The following BRINP3 variants were observed in gnomAD, a reference collection of about 807,000 sequenced individuals.
BRINP3 encodes the protein BMP/retinoic acid inducible neural specific 3.
BRINP3 carries 19 observed loss-of-function variants against 71.0 expected under a neutral mutation model. The observed-to-expected ratio is 0.27, with a 90% CI of 0.19 to 0.39. The LOEUF (loss-of-function observed/expected upper bound fraction) is 0.39. Among genes scored for constraint, BRINP3 ranks in the 10% least tolerant of loss-of-function variants. The probability of loss-of-function intolerance (pLI) is 1.00; values close to 1 mark genes in which losing one functional copy is unlikely to be tolerated. For synonymous variants in BRINP3, 380 were observed against 337.7 expected, an observed-to-expected ratio of 1.13 and a Z score of -1.37; for missense variants, 959 against 940.8, an observed-to-expected ratio of 1.02 and a Z score of -0.25.
At chr1:190,151,007 G>A (rs940699190) in intron 7 of BRINP3, among the ~76,000 whole-genome samples, 1 of 152,002 alleles carries the variant, frequency 6.6e-6, no homozygotes, top group Admixed American at 6.6e-5. Flanking sequence ...AAAAATAGTC[G>A]AGTGTGGTGT....
chr1:190,339,106 A>C (rs1013913819), intron 2 of BRINP3, among the ~76,000 whole-genome samples: 1 of 151,966 alleles, frequency 6.6e-6, no homozygotes, highest in Non-Finnish European at 1.5e-5. Flanking sequence ...CACACATAAT[A>C]TTGAAAGAAT....
chr1:190,268,420 A>C (rs1198282818), intron 3 of BRINP3, among the ~76,000 whole-genome samples: 1 of 152,038 alleles, frequency 6.6e-6, no homozygotes, highest in Non-Finnish European at 1.5e-5. Flanking sequence ...AAAGAAGTGA[A>C]ATATAGGATC....
At chr1:190,447,922 G>A (rs1316865324) in intron 2 of BRINP3, among the ~76,000 whole-genome samples, 1 of 151,538 alleles carries the variant, frequency 6.6e-6, no homozygotes, top group Non-Finnish European at 1.5e-5. Flanking sequence ...AAGTGAGAGG[G>A]AAAACCTATA....
At chr1:190,432,654 GAATTAAAGCTTCTGAGTCTACAGGACTA>G (rs1183189125) in intron 2 of BRINP3, among the ~76,000 whole-genome samples, 1 of 152,158 alleles carries the variant, frequency 6.6e-6, no homozygotes, top group Non-Finnish European at 1.5e-5. Context: ...AGGTGGGACT[GAATTAAAGCTTCTGAGTCTACAGGACTA>G]AATAGAGGCA....
intron 2 of BRINP3, among the ~76,000 whole-genome samples, chr1:190,443,601 A>T (rs900799344): frequency 1.3e-5 from 2 of 152,120 alleles, no homozygotes; most frequent in Non-Finnish European, 2.9e-5. Flanking sequence ...TGCATGAGGG[A>T]GCAGTGGGTC....
At chr1:190,370,218 A>G (rs1048480108) in intron 2 of BRINP3, among the ~76,000 whole-genome samples, 1 of 152,192 alleles carries the variant, frequency 6.6e-6, no homozygotes, top group Non-Finnish European at 1.5e-5. Context: ...TTAAGAATAA[A>G]TAAGTCAATT....
intron 6 of BRINP3, among the ~76,000 whole-genome samples, chr1:190,203,654 A>C (rs993124031): frequency 4.7e-5 from 7 of 148,340 alleles, no homozygotes; most frequent in African/African-American, 1.2e-4. Context: ...GAACAGATGT[A>C]GTTTCCCCTA....
chr1:190,418,031 T>C (rs1477010446), intron 2 of BRINP3, among the ~76,000 whole-genome samples: 1 of 152,194 alleles, frequency 6.6e-6, no homozygotes, highest in African/African-American at 2.4e-5. Flanking sequence ...AGATTTACAA[T>C]CAATCCCTCT....
intron 6 of BRINP3, among the ~76,000 whole-genome samples, chr1:190,167,804 A>G (rs1408752191): frequency 2.6e-5 from 4 of 152,138 alleles, no homozygotes; most frequent in Non-Finnish European, 2.9e-5. Flanking sequence ...ATTATGCCCC[A>G]GGGGAGCTTA....
At chr1:190,413,235 T>C (rs1187410372) in intron 2 of BRINP3, among the ~76,000 whole-genome samples, 1 of 152,058 alleles carries the variant, frequency 6.6e-6, no homozygotes, top group Non-Finnish European at 1.5e-5. Context: ...GTTTTGTGTA[T>C]ATTAACTAAA....
At chr1:190,299,018 T>C (rs1237442383) in intron 2 of BRINP3, among the ~76,000 whole-genome samples, 1 of 152,154 alleles carries the variant, frequency 6.6e-6, no homozygotes, top group Non-Finnish European at 1.5e-5. Flanking sequence ...GGCTAATATG[T>C]GTTCATGTTG....
intron 5 of BRINP3, among the ~76,000 whole-genome samples, chr1:190,229,415 T>C (rs1263653861): frequency 6.6e-6 from 1 of 152,006 alleles, no homozygotes; most frequent in Non-Finnish European, 1.5e-5. Flanking sequence ...CTCGGCCATG[T>C]GGAACTGGAG....
At chr1:190,274,195 A>T (rs1662352804) in intron 3 of BRINP3, among the ~76,000 whole-genome samples, 1 of 151,572 alleles carries the variant, frequency 6.6e-6, no homozygotes, top group Admixed American at 6.6e-5. Context: ...AGAAACCAAC[A>T]TATAATATTG....
chr1:190,236,427 G>A (rs1558094137), intron 4 of BRINP3, among the ~76,000 whole-genome samples: 1 of 151,932 alleles, frequency 6.6e-6, no homozygotes, highest in South Asian at 2.1e-4. Context: ...CAACTTAGAG[G>A]CGACAATCAA....
At chr1:190,236,034 G>T (rs1658484280) in intron 4 of BRINP3, among the ~76,000 whole-genome samples, 1 of 151,888 alleles carries the variant, frequency 6.6e-6, no homozygotes, top group Non-Finnish European at 1.5e-5. Flanking sequence ...AGAGGAGGAG[G>T]AAACATAAGG....
intron 2 of BRINP3, among the ~76,000 whole-genome samples, chr1:190,340,370 A>T (rs183651180): frequency 6.6e-6 from 1 of 151,812 alleles, no homozygotes; most frequent in Admixed American, 6.6e-5. Flanking sequence ...CTCATAATCA[A>T]ATCTTTGAAG....
At chr1:190,337,114 A>G (rs1025207727) in intron 2 of BRINP3, among the ~76,000 whole-genome samples, 1 of 151,994 alleles carries the variant, frequency 6.6e-6, no homozygotes, top group African/African-American at 2.4e-5. Context: ...TGTTGAAGTT[A>G]TGTTTAACAC....
intron 4 of BRINP3, among the ~76,000 whole-genome samples, chr1:190,261,767 T>C (rs563917372): frequency 6.6e-6 from 1 of 152,144 alleles, no homozygotes; most frequent in Non-Finnish European, 1.5e-5. Flanking sequence ...ATCAAAGAAA[T>C]TGTGAATCTT....
intron 3 of BRINP3, among the ~76,000 whole-genome samples, chr1:190,266,861 T>A (rs1037683374): frequency 6.6e-5 from 10 of 151,998 alleles, no homozygotes; most frequent in Non-Finnish European, 1.5e-4. Context: ...TAAGGAAAAT[T>A]AAAAATAAAA....
Sources: gnomAD v4.1 joint callset for allele counts (sites outside exome capture counted in the v4.1 genomes callset) on GRCh38, gnomAD v4.1.1 for gene constraint, MANE v1.5 for transcripts, NCBI Gene and HGNC (gene_info 2026-07-23, HGNC 2026-07-21) for gene names.